CDH18: variants seen among roughly 807,000 people sequenced by gnomAD.
The protein encoded by CDH18 is cadherin 18, also known as cadherin-18.
Under a neutral mutation model 67.9 loss-of-function variants are expected in CDH18, and 31 were observed. The ratio of observed to expected loss-of-function variants is 0.46; its 90% CI spans 0.34 to 0.62. The LOEUF (loss-of-function observed/expected upper bound fraction) is 0.62, where lower values mean the gene tolerates loss of function less well. Among genes scored for constraint, CDH18 ranks in the 20% least tolerant of loss-of-function variants. The pLI, the probability that CDH18 is intolerant of heterozygous loss-of-function variation, is 0.01. For synonymous variants in CDH18, 362 were observed against 347.2 expected (o/e 1.04, Z -0.48); for missense variants, 890 against 975.5 (o/e 0.91, Z 1.17).
At chr5:19,584,705 T>TG (rs1743819536) in intron 7 of CDH18, among the ~76,000 whole-genome samples, 1 of 137,910 alleles carries the variant, frequency 7.3e-6, no homozygotes, top group South Asian at 2.3e-4. Flanking sequence ...CCCAGCAGTT[T>TG]GGGAGGCGGA....
chr5:20,094,591 A>G (rs190439927), intron 2 of CDH18, among the ~76,000 whole-genome samples: 87 of 152,298 alleles, frequency 5.7e-4, no homozygotes, highest in African/African-American at 1.9e-3. Context: ...CTTTCTACCC[A>G]GTAGCATGGA....
At chr5:19,737,266 CAA>C (rs1372462229) in intron 4 of CDH18, among the ~76,000 whole-genome samples, 2 of 152,108 alleles carry the variant, frequency 1.3e-5, no homozygotes, top group South Asian at 2.1e-4. Context: ...ATTCTATACC[CAA>C]TTGCTGTATC....
chr5:20,554,067 C>T (rs1255481891), intron 1 of CDH18, among the ~76,000 whole-genome samples: 1 of 152,154 alleles, frequency 6.6e-6, no homozygotes, highest in Non-Finnish European at 1.5e-5. Flanking sequence ...TAGTAGCCCC[C>T]ATATTTTTAA....
chr5:19,871,853 C>T (rs979785732), intron 2 of CDH18, among the ~76,000 whole-genome samples: 1 of 152,100 alleles, frequency 6.6e-6, no homozygotes, highest in Non-Finnish European at 1.5e-5. Context: ...AGCCATGAAG[C>T]TTGTGTGGAC....
At chr5:19,781,177 T>A (rs1206593318) in intron 3 of CDH18, among the ~76,000 whole-genome samples, 1 of 152,128 alleles carries the variant, frequency 6.6e-6, no homozygotes, top group Non-Finnish European at 1.5e-5. Context: ...GTAAATCATG[T>A]ATCATTCATT....
chr5:20,056,286 G>A (rs1741910553), intron 2 of CDH18, among the ~76,000 whole-genome samples: 1 of 148,272 alleles, frequency 6.7e-6, no homozygotes. Flanking sequence ...TTACAGGCAT[G>A]AGCCACCACA....
chr5:20,215,357 C>T (rs1023121468), intron 2 of CDH18, among the ~76,000 whole-genome samples: 1 of 151,560 alleles, frequency 6.6e-6, no homozygotes, highest in Non-Finnish European at 1.5e-5. Flanking sequence ...AGTAAGTAAA[C>T]AAATGGGTAC....
chr5:19,996,763 A>G (rs1489885139), intron 2 of CDH18, among the ~76,000 whole-genome samples: 1 of 152,140 alleles, frequency 6.6e-6, no homozygotes, highest in African/African-American at 2.4e-5. Context: ...GGGAAATAAA[A>G]TGGATTTAAA....
chr5:20,008,337 C>T (rs1737106501), intron 2 of CDH18, among the ~76,000 whole-genome samples: 1 of 151,994 alleles, frequency 6.6e-6, no homozygotes, highest in African/African-American at 2.4e-5. Context: ...GAGAACAAAC[C>T]TTTATTTTCC....
chr5:19,917,344 C>A (rs13160999), intron 2 of CDH18, among the ~76,000 whole-genome samples: 77,151 of 150,206 alleles, frequency 0.51, 23,078 homozygotes, highest in Non-Finnish European at 0.66. Flanking sequence ...TTTCCCCCCC[C>A]GCCCCCTTTT....
At chr5:19,701,335 T>G (rs59199016) in intron 5 of CDH18, among the ~76,000 whole-genome samples, 50,004 of 151,964 alleles carry the variant, frequency 0.33, 8,421 homozygotes, top group African/African-American at 0.41. Flanking sequence ...AAGATTCATA[T>G]TTCTCTGCAT....
chr5:20,236,106 A>C (rs899713009), intron 2 of CDH18, among the ~76,000 whole-genome samples: 1 of 152,104 alleles, frequency 6.6e-6, no homozygotes, highest in African/African-American at 2.4e-5. Context: ...AGTGTTGAAA[A>C]TCTACCTGTT....
In CDH18 at chr5:19,483,458, G is replaced by T. The variant is rs781649263; in HGVS notation, c.1725C>A (p.Ile575=). Residue 575 remains isoleucine, a synonymous_variant, in exon 12 of 13, where the codon ATC becomes ATA. Coordinates refer to ENST00000382275, the MANE Select transcript of CDH18 (RefSeq NM_004934.5). ...GGGTGCTGCTGCTGCTGAGAGAGGG[G>T]ATTCCACCATCAGAGATCATAATGG... is the stretch of plus-strand genomic sequence containing the variant. ...YLPIMISDGG[I]PSLSSSSTLT... The T allele has an allele frequency of 6.2e-7, 1 of 1,614,132 alleles. No homozygotes were observed. The highest frequency in any genetic ancestry group is 8.5e-7 in the Non-Finnish European group (1 of 1,180,012).
At chr5:20,439,815 G>A (rs921763621) in intron 1 of CDH18, among the ~76,000 whole-genome samples, 1 of 151,584 alleles carries the variant, frequency 6.6e-6, no homozygotes, top group Non-Finnish European at 1.5e-5. Context: ...GTCATAGTAT[G>A]TTCAGCTTTA....
chr5:20,376,091 A>ATTTGTTTTTTTTTTTTTTTTT (rs1743397269), intron 1 of CDH18, among the ~76,000 whole-genome samples: 1 of 49,748 alleles, frequency 2.0e-5, no homozygotes, highest in African/African-American at 6.2e-5. Context: ...AAAAGAAACA[A>ATTTGTTTTTTTTTTTTTTTTT]TTTTTTTTTT....
intron 2 of CDH18, among the ~76,000 whole-genome samples, chr5:20,146,436 G>A (rs1370147160): frequency 6.6e-6 from 1 of 151,924 alleles, no homozygotes; most frequent in Non-Finnish European, 1.5e-5. Context: ...ATTTACTTGT[G>A]TAAATTATAA....
At position 19,941,252 on chromosome 5, in the gene CDH18, G is replaced by A. The variant is rs2150231730; in HGVS notation, c.-257+39808C>T. Among the ~76,000 whole-genome samples, 3 of 152,208 alleles carry A rather than the reference G, an allele frequency of 2.0e-5. No individual in the cohort carries two copies. The South Asian group carries it at 6.2e-4, about 32-fold the overall frequency. ...AGGGTGTTCACTAGACATGGAATCTGCTGACATCATGACCTTAAACTCCTC... is the reference window on the plus strand; with the variant it reads ...AGGGTGTTCACTAGACATGGAATCTACTGACATCATGACCTTAAACTCCTC... On this transcript the variant is annotated intron_variant, in intron 2 of 12. Coordinates refer to ENST00000382275, the MANE Select transcript of CDH18 (RefSeq NM_004934.5).
At chr5:19,960,990 AGGAG>A (rs1171214110) in intron 2 of CDH18, among the ~76,000 whole-genome samples, 6 of 54,202 alleles carry the variant, frequency 1.1e-4, no homozygotes, top group Non-Finnish European at 3.0e-4. Context: ...CTGGGAGTGC[AGGAG>A]GTTTGTTTAT....
At chr5:19,563,239 A>G (rs1739772034) in intron 8 of CDH18, among the ~76,000 whole-genome samples, 1 of 152,234 alleles carries the variant, frequency 6.6e-6, no homozygotes, top group African/African-American at 2.4e-5. Context: ...GAAAGTTTTC[A>G]GAGTAAAGCA....
Sources: gnomAD v4.1 joint callset for allele counts (sites outside exome capture counted in the v4.1 genomes callset) on GRCh38, gnomAD v4.1.1 for gene constraint, MANE v1.5 for transcripts, NCBI Gene and HGNC (gene_info 2026-07-23, HGNC 2026-07-21) for gene names.